ABCB1: variants seen among roughly 807,000 people sequenced by gnomAD.
ABCB1 encodes ATP-dependent translocase ABCB1.
In ABCB1, 69 loss-of-function variants were observed where a neutral mutation model predicts 142.0. That is an observed-to-expected ratio of 0.49 (90% CI 0.40 to 0.59). ABCB1 has a LOEUF of 0.59. Among genes scored for constraint, ABCB1 ranks in the 20% least tolerant of loss-of-function variants. The pLI, the probability that ABCB1 is intolerant of heterozygous loss-of-function variation, is 0.00. For missense variants in ABCB1, 1,326 were observed against 1,554.7 expected, an observed-to-expected ratio of 0.85 and a Z score of 2.47; for synonymous variants, 532 against 539.2, an observed-to-expected ratio of 0.99 and a Z score of 0.18.
intron 14 of ABCB1, among the ~76,000 whole-genome samples, chr7:87,546,678 A>G (rs1229862459): frequency 6.6e-6 from 1 of 152,234 alleles, no homozygotes; most frequent in African/African-American, 2.4e-5. Flanking sequence ...GTACTGATAC[A>G]CACCGGCTAG....
At chr7:87,590,939 G>A (rs1438274109) in intron 3 of ABCB1, among the ~76,000 whole-genome samples, 1 of 152,184 alleles carries the variant, frequency 6.6e-6, no homozygotes, top group Non-Finnish European at 1.5e-5. Context: ...TCTTGACCAG[G>A]TGTGGTAGAC....
intron 6 of ABCB1, 22 bp from the exon 7 acceptor site, chr7:87,566,263 G>A: frequency 6.2e-7 from 1 of 1,611,194 alleles, no homozygotes; most frequent in Non-Finnish European, 8.5e-7. Context: ...GATAGTGTTA[G>A]AAATAATTGT....
Position 87,503,031 on chromosome 7 carries a change from AT to A in ABCB1, c.*1211del, listed in dbSNP as rs1431406161. On this transcript the variant is annotated 3_prime_UTR_variant, in exon 28 of 28. Transcript: ENST00000622132. Reference sequence around the variant, plus strand: ...CAACTAATAAGGAATGTCACATTAGATTTTTTTATTCATCATTAAATTACAA... The same window carrying A: ...CAACTAATAAGGAATGTCACATTAGATTTTTTATTCATCATTAAATTACAA... 6.6e-6 allele frequency among the ~76,000 whole-genome samples: 1 copy of A among 151,946 alleles called. No homozygotes were observed. The highest frequency in any genetic ancestry group is 1.9e-4 in the East Asian group (1 of 5,192).
At chr7:87,557,558 TA>T (rs1177604144) in intron 8 of ABCB1, among the ~76,000 whole-genome samples, 2 of 152,236 alleles carry the variant, frequency 1.3e-5, no homozygotes, top group Admixed American at 1.3e-4. Flanking sequence ...ATTCCACATG[TA>T]AAATACTACT....
At chr7:87,521,549 G>T in intron 21 of ABCB1, 1 of 756,070 alleles carries the variant, frequency 1.3e-6, no homozygotes, top group Non-Finnish European at 2.4e-6. Context: ...ACCAATGAGA[G>T]CCTGAGGAGC....
intron 1 of ABCB1, among the ~76,000 whole-genome samples, chr7:87,625,620 A>G (rs1056409139): frequency 1.3e-5 from 2 of 152,188 alleles, no homozygotes; most frequent in African/African-American, 4.8e-5. Context: ...GCCAGCGCAA[A>G]TATTTTGCTG....
chr7:87,674,837 C>G (rs1335659846), intron 1 of ABCB1, among the ~76,000 whole-genome samples: 1 of 152,118 alleles, frequency 6.6e-6, no homozygotes, highest in Non-Finnish European at 1.5e-5. Context: ...GTCCTACAGG[C>G]AAGAGCACCT....
At chr7:87,595,213 C>A (rs962821228) in intron 3 of ABCB1, among the ~76,000 whole-genome samples, 1 of 152,048 alleles carries the variant, frequency 6.6e-6, no homozygotes, top group South Asian at 2.1e-4. Context: ...ATAAGGTTTT[C>A]GAATTCTAGA....
chr7:87,541,235 T>C, intron 18 of ABCB1, 122 bp downstream of exon 18: 1 of 707,266 alleles, frequency 1.4e-6, no homozygotes, highest in Non-Finnish European at 2.4e-6. Flanking sequence ...AACTTGGCTG[T>C]TAGTAGCCAT....
chr7:87,628,600 T>C (rs1019939925), intron 1 of ABCB1: 180 of 340,878 alleles, frequency 5.3e-4, no homozygotes, highest in South Asian at 1.1e-3. Flanking sequence ...TGTGTGTGTG[T>C]GTGTGTGTGT....
chr7:87,615,876 T>A (rs1314266000), intron 1 of ABCB1, among the ~76,000 whole-genome samples: 1 of 152,188 alleles, frequency 6.6e-6, no homozygotes, highest in Non-Finnish European at 1.5e-5. Flanking sequence ...GAACACAAAC[T>A]ACAGAGAGTA....
chr7:87,599,741 C>T (rs1368755357), intron 2 of ABCB1, among the ~76,000 whole-genome samples: 6 of 152,148 alleles, frequency 3.9e-5, no homozygotes, highest in African/African-American at 1.4e-4. Context: ...TTCAAAGTAG[C>T]TAGAAGACTT....
rs537931667 is a variant in ABCB1 at position 87,622,046 on chromosome 7, T to C, written c.-330-20968A>G. On this transcript the variant is annotated intron_variant, in intron 1 of 28. Transcript: ENST00000265724. Reference sequence around the variant, plus strand: ...TTGATATAAAAAAGTAACCATAAAGTATATAATCTTGGAGGTGGCAAAGGC... The same window carrying C: ...TTGATATAAAAAAGTAACCATAAAGCATATAATCTTGGAGGTGGCAAAGGC... Among the ~76,000 whole-genome samples the C allele has an allele frequency of 6.6e-5, 10 of 152,080 alleles. No individual in the cohort carries two copies. In the South Asian group the frequency reaches 2.1e-3, roughly 32 times the overall value.
chr7:87,699,734 T>A (rs923298858), intron 1 of ABCB1, among the ~76,000 whole-genome samples: 3 of 152,180 alleles, frequency 2.0e-5, no homozygotes, highest in Non-Finnish European at 4.4e-5. Context: ...ATATAACCTA[T>A]GCACAATAGA....
At chr7:87,654,386 ATAAAC>A (rs373869625) in intron 1 of ABCB1, among the ~76,000 whole-genome samples, 28 of 152,240 alleles carry the variant, frequency 1.8e-4, no homozygotes, top group African/African-American at 6.3e-4. Context: ...AAACAGACAA[ATAAAC>A]TAATAGAATA....
intron 5 of ABCB1, among the ~76,000 whole-genome samples, chr7:87,569,257 C>T (rs1817929398): frequency 6.7e-6 from 1 of 148,642 alleles, no homozygotes; most frequent in African/African-American, 2.5e-5. Flanking sequence ...CGCTTGAAGC[C>T]AGGAATCGAA....
intron 4 of ABCB1, among the ~76,000 whole-genome samples, chr7:87,573,802 G>A (rs1234585798): frequency 6.6e-6 from 1 of 152,056 alleles, no homozygotes; most frequent in African/African-American, 2.4e-5. Context: ...TCAGTAGCTA[G>A]AGCACTGTGC....
intron 1 of ABCB1, among the ~76,000 whole-genome samples, chr7:87,710,369 C>T (rs920209581): frequency 6.6e-6 from 1 of 152,034 alleles, no homozygotes; most frequent in African/African-American, 2.4e-5. Flanking sequence ...ACATGCTGTA[C>T]CCTACATATT....
intron 2 of ABCB1, among the ~76,000 whole-genome samples, chr7:87,599,403 C>T (rs139937270): frequency 6.6e-6 from 1 of 152,230 alleles, no homozygotes; most frequent in East Asian, 1.9e-4. Flanking sequence ...TCAGCCAGGC[C>T]ACAAACGCGA....
Sources: allele counts gnomAD v4.1 joint callset (sites outside exome capture counted in the v4.1 genomes callset), GRCh38; gene constraint gnomAD v4.1.1; transcripts MANE v1.5; gene names NCBI Gene and HGNC (gene_info 2026-07-23, HGNC 2026-07-21).